The following GPC6 variants were observed in gnomAD, a reference collection of about 807,000 sequenced individuals.
GPC6 encodes glypican-6.
GPC6 carries 14 observed loss-of-function variants against 55.2 expected under a neutral mutation model. That is an observed-to-expected ratio of 0.25 (90% CI 0.17 to 0.40). The LOEUF (loss-of-function observed/expected upper bound fraction) is 0.40. Ranked by LOEUF, GPC6 falls within the 10% of genes least tolerant of loss-of-function variation. The pLI is 1.00. For synonymous variants in GPC6, 278 were observed against 259.6 expected (o/e 1.07, Z -0.68); for missense variants, 641 against 708.5 (o/e 0.90, Z 1.08).
intron 1 of GPC6, among the ~76,000 whole-genome samples, chr13:93,441,267 C>T (rs1276204148): frequency 6.6e-6 from 1 of 151,258 alleles, no homozygotes; most frequent in Non-Finnish European, 1.5e-5. Context: ...GAGGAACCAC[C>T]ACCCTGTCTT....
intron 1 of GPC6, among the ~76,000 whole-genome samples, chr13:93,516,412 GCCCAGAATTGTGGA>G (rs1313123459): frequency 6.6e-6 from 1 of 152,078 alleles, no homozygotes; most frequent in African/African-American, 2.4e-5. Context: ...AGGGAAGAAT[GCCCAGAATTGTGGA>G]CCTCCCATAC....
At chr13:93,392,882 C>T (rs1011946499) in intron 1 of GPC6, among the ~76,000 whole-genome samples, 1 of 152,100 alleles carries the variant, frequency 6.6e-6, no homozygotes, top group African/African-American at 2.4e-5. Flanking sequence ...TTAGCTGTTA[C>T]ATTCTTCCAT....
chr13:94,207,457 G>A (rs951625667), intron 4 of GPC6, among the ~76,000 whole-genome samples: 1 of 152,066 alleles, frequency 6.6e-6, no homozygotes, highest in African/African-American at 2.4e-5. Flanking sequence ...CTTGTCCTGA[G>A]GTATATGGCT....
intron 3 of GPC6, among the ~76,000 whole-genome samples, chr13:93,877,490 T>A (rs79403357): frequency 0.021 from 3,142 of 152,152 alleles, 50 homozygotes; most frequent in East Asian, 0.056. Context: ...TCACATAAAT[T>A]TCAAATGTGT....
At chr13:93,341,271 G>T (rs1880246420) in intron 1 of GPC6, among the ~76,000 whole-genome samples, 1 of 152,110 alleles carries the variant, frequency 6.6e-6, no homozygotes, top group Non-Finnish European at 1.5e-5. Context: ...CCCAGTAGTG[G>T]GATCACTGGA....
At chr13:93,886,022 C>T (rs1053536355) in intron 3 of GPC6, among the ~76,000 whole-genome samples, 6 of 152,000 alleles carry the variant, frequency 3.9e-5, no homozygotes, top group African/African-American at 1.4e-4. Flanking sequence ...AGGCTCTGCA[C>T]AGTTATTTTA....
intron 4 of GPC6, among the ~76,000 whole-genome samples, chr13:94,276,172 T>A (rs189020077): frequency 1.3e-5 from 2 of 152,184 alleles, no homozygotes; most frequent in African/African-American, 4.8e-5. Context: ...CCCTAGGACA[T>A]GTTGAGTAGT....
intron 3 of GPC6, among the ~76,000 whole-genome samples, chr13:93,920,198 C>T (rs2140344295): frequency 6.6e-6 from 1 of 152,202 alleles, no homozygotes; most frequent in Non-Finnish European, 1.5e-5. Flanking sequence ...ACAGTTATAT[C>T]CTCATTCTTC....
chr13:94,109,753 G>A (rs928520530), intron 4 of GPC6, among the ~76,000 whole-genome samples: 1 of 152,076 alleles, frequency 6.6e-6, no homozygotes, highest in Non-Finnish European at 1.5e-5. Context: ...TCAGCTTGGA[G>A]TATTTATACA....
chr13:94,283,575 C>T (rs1244244038), intron 4 of GPC6, among the ~76,000 whole-genome samples: 3 of 152,370 alleles, frequency 2.0e-5, no homozygotes, highest in Middle Eastern at 6.8e-3. Flanking sequence ...CAACCCTGTA[C>T]TAACACAGAG....
intron 3 of GPC6, among the ~76,000 whole-genome samples, chr13:93,908,619 G>A (rs1433888300): frequency 6.6e-6 from 1 of 152,094 alleles, no homozygotes; most frequent in Non-Finnish European, 1.5e-5. Flanking sequence ...CTGTTAGGTG[G>A]GGGAAGGAGT....
At chr13:93,280,873 C>T (rs1877926667) in intron 1 of GPC6, among the ~76,000 whole-genome samples, 1 of 152,170 alleles carries the variant, frequency 6.6e-6, no homozygotes, top group South Asian at 2.1e-4. Flanking sequence ...CCCTTGCATG[C>T]CCGGTTCACA....
chr13:94,150,267 C>T (rs1194348127), intron 4 of GPC6, among the ~76,000 whole-genome samples: 1 of 152,082 alleles, frequency 6.6e-6, no homozygotes, highest in Non-Finnish European at 1.5e-5. Context: ...TAATTTACCC[C>T]ACCATCATTT....
chr13:93,415,448 AT>A (rs1397882438), intron 1 of GPC6, among the ~76,000 whole-genome samples: 1 of 152,116 alleles, frequency 6.6e-6, no homozygotes, highest in Non-Finnish European at 1.5e-5. Context: ...TTTTCTTAAT[AT>A]TTTTATCGTA....
At chr13:93,302,553 G>T (rs1224355609) in intron 1 of GPC6, among the ~76,000 whole-genome samples, 5 of 152,196 alleles carry the variant, frequency 3.3e-5, no homozygotes, top group Non-Finnish European at 7.4e-5. Context: ...TATTTATAGG[G>T]CTGAATGTCA....
chr13:94,149,956 C>A (rs1269291213), intron 4 of GPC6, among the ~76,000 whole-genome samples: 1 of 151,412 alleles, frequency 6.6e-6, no homozygotes, highest in Non-Finnish European at 1.5e-5. Context: ...CATCACTCAG[C>A]ATGCTGCCCT....
At chr13:94,388,586 T>G (rs1434252535) in intron 7 of GPC6, among the ~76,000 whole-genome samples, 1 of 152,220 alleles carries the variant, frequency 6.6e-6, no homozygotes, top group Non-Finnish European at 1.5e-5. Flanking sequence ...TTTATTCAAT[T>G]AGTGTCTTAG....
At chr13:93,526,542 T>C (rs1881654199) in intron 1 of GPC6, among the ~76,000 whole-genome samples, 1 of 152,120 alleles carries the variant, frequency 6.6e-6, no homozygotes, top group East Asian at 1.9e-4. Context: ...CATATCCTTA[T>C]ATATTTTCTC....
intron 1 of GPC6, among the ~76,000 whole-genome samples, chr13:93,388,854 G>A (rs1321032559): frequency 1.3e-5 from 2 of 152,096 alleles, no homozygotes; most frequent in Admixed American, 1.3e-4. Flanking sequence ...TGGCATCTAG[G>A]AAAGGGCTTG....
Sources: allele counts gnomAD v4.1 joint callset (sites outside exome capture counted in the v4.1 genomes callset), GRCh38; gene constraint gnomAD v4.1.1; transcripts MANE v1.5; gene names NCBI Gene and HGNC (gene_info 2026-07-23, HGNC 2026-07-21).